Variants in MBNL2 observed in about 807,000 individuals in gnomAD.
MBNL2 encodes the protein muscleblind-like protein 2.
In MBNL2, 17 loss-of-function variants were observed where a neutral mutation model predicts 41.9. The ratio of observed to expected loss-of-function variants is 0.41; its 90% CI spans 0.28 to 0.61. The LOEUF is 0.61. Among genes scored for constraint, MBNL2 ranks in the 20% least tolerant of loss-of-function variants. The pLI is 0.35. For synonymous variants in MBNL2, 195 were observed against 182.9 expected (o/e 1.07, Z -0.53); for missense variants, 336 against 505.6 (o/e 0.66, Z 3.22).
the MBNL2 span, among the ~76,000 whole-genome samples, chr13:97,142,143 T>G: frequency 6.6e-6 from 1 of 152,212 alleles, no homozygotes; most frequent in Non-Finnish European, 1.5e-5. Flanking sequence ...TCAATTAAAT[T>G]AAAGCTTTCT....
chr13:97,218,326 C>T (rs536528527), upstream of MBNL2, among the ~76,000 whole-genome samples: 1 of 151,624 alleles, frequency 6.6e-6, no homozygotes, highest in South Asian at 2.1e-4. Context: ...AGGAGAATGG[C>T]GTGAACCCGG....
intron 5 of MBNL2, among the ~76,000 whole-genome samples, chr13:97,347,775 G>A (rs970495848): frequency 6.6e-6 from 1 of 152,110 alleles, no homozygotes; most frequent in Admixed American, 6.6e-5. Context: ...TCAGAATCTC[G>A]GAGAGCCTAA....
At chr13:97,294,997 T>C (rs1223784674) in intron 2 of MBNL2, among the ~76,000 whole-genome samples, 3 of 152,190 alleles carry the variant, frequency 2.0e-5, no homozygotes, top group Non-Finnish European at 4.4e-5. Context: ...TATTGCCAGT[T>C]TGAAATGTTA....
intron 7 of MBNL2, among the ~76,000 whole-genome samples, chr13:97,362,623 C>T (rs540119277): frequency 6.6e-6 from 1 of 152,072 alleles, no homozygotes; most frequent in Non-Finnish European, 1.5e-5. Context: ...GAGACTAGAC[C>T]ACACGGGACC....
chr13:97,259,461 C>G (rs1407428051), intron 1 of MBNL2, among the ~76,000 whole-genome samples: 2 of 152,182 alleles, frequency 1.3e-5, no homozygotes, highest in Non-Finnish European at 2.9e-5. Context: ...TTTTCACCCT[C>G]CCTGAATCCC....
chr13:97,184,337 A>C, the MBNL2 span, among the ~76,000 whole-genome samples: 1 of 152,180 alleles, frequency 6.6e-6, no homozygotes, highest in Non-Finnish European at 1.5e-5. Context: ...TTTTCAAAAG[A>C]AGAGGACAAT....
At chr13:97,204,460 A>T in the MBNL2 span, among the ~76,000 whole-genome samples, 1 of 152,200 alleles carries the variant, frequency 6.6e-6, no homozygotes, top group African/African-American at 2.4e-5. Context: ...TTCTAAGTAC[A>T]CATAAGCTCT....
chr13:97,357,457 A>G lies in MBNL2; in HGVS notation c.859-25A>G, dbSNP rs767470395. 4.4e-6 allele frequency: 7 copies of G among 1,606,942 alleles called. No individual in the cohort carries two copies. The East Asian group carries it at 1.1e-4, about 26-fold the overall frequency. On this transcript the variant is annotated intron_variant, in intron 6 of 8. Transcript: ENST00000679496. ...GGTGTGTTTGCTTTAAGTTAGACAT[A>G]TCTTATCGAATTCTTCATTTCTAGG...
intron 1 of MBNL2, among the ~76,000 whole-genome samples, chr13:97,254,071 G>A (rs1294496658): frequency 6.6e-6 from 1 of 152,056 alleles, no homozygotes; most frequent in Non-Finnish European, 1.5e-5. Context: ...TGTATATTTA[G>A]TAGAGACAGG....
At chr13:97,335,587 A>G (rs2060810967) in intron 3 of MBNL2, among the ~76,000 whole-genome samples, 1 of 152,122 alleles carries the variant, frequency 6.6e-6, no homozygotes, top group South Asian at 2.1e-4. Context: ...GCCCAGAGTA[A>G]AAGAAATGCC....
Position 97,356,785 on chromosome 13 carries a change from G to A in MBNL2, c.805-11G>A. On this transcript the variant is annotated splice_polypyrimidine_tract_variant and intron_variant, in intron 5 of 8. Transcript: ENST00000679496. ...CACTGCCATCATGTGCTCGCTGCCT[G>A]TTATTAAAAGACTCAGTCGACTGCC... 7.3e-7 allele frequency: 1 copy of A among 1,361,572 alleles called. No individual in the cohort carries two copies. Among genetic ancestry groups the A allele is most frequent in the South Asian group, 1.1e-5 (1 of 88,024 alleles). 84.3% of individuals were successfully genotyped at this position (1,361,572 alleles called of 1,614,324 possible). A position where few individuals can be genotyped will look rare whatever the true frequency, so the allele number is the denominator to read the frequency against.
At position 97,299,720 on chromosome 13, in the gene MBNL2, G is replaced by GA. The variant is rs539702723; in HGVS notation, c.174+23317dup. On this transcript the variant is annotated intron_variant, in intron 2 of 8. Transcript: ENST00000679496. ...ATCCAAGATTACAAACACATGACTTGAAAAAATCTTCAAAACGTATTACTT... is the reference window on the plus strand; with the variant it reads ...ATCCAAGATTACAAACACATGACTTGAAAAAAATCTTCAAAACGTATTACTT... Among the ~76,000 whole-genome samples the GA allele has an allele frequency of 4.8e-4, 72 of 151,564 alleles. No homozygotes were observed. In the South Asian group the frequency reaches 4.8e-3, roughly 10 times the overall value.
chr13:97,343,285 T>C, intron 4 of MBNL2, 69 bp downstream of exon 4: 1 of 1,154,330 alleles, frequency 8.7e-7, no homozygotes, highest in Non-Finnish European at 1.2e-6. Flanking sequence ...AAGTGATTGC[T>C]TGTAAGATAT....
the MBNL2 span, among the ~76,000 whole-genome samples, chr13:97,156,850 T>C: frequency 6.6e-6 from 1 of 152,216 alleles, no homozygotes; most frequent in Non-Finnish European, 1.5e-5. Flanking sequence ...GCTTTGTTCT[T>C]TTGGCTTAGG....
Position 97,366,286 on chromosome 13 carries a change from C to G in MBNL2, c.1048+1115C>G, listed in dbSNP as rs533550490. On this transcript the variant is annotated intron_variant, in intron 8 of 8. Coordinates refer to ENST00000679496, the MANE Select transcript of MBNL2 (RefSeq NM_001382683.1). The surrounding 1 kb of genome is among the most constrained non-coding windows in gnomAD (Gnocchi z 4.7). ...AATTGTACTTGTAATAAGCTATTTT[C>G]CCTTTTTTATTTCTCTCCCATGCTT... Among the ~76,000 whole-genome samples the G allele has an allele frequency of 1.3e-5, 2 of 152,248 alleles. 1 individual carries two copies. The highest frequency in any genetic ancestry group is 1.3e-4 in the Admixed American group (2 of 15,298).
At chr13:97,201,216 T>G in the MBNL2 span, among the ~76,000 whole-genome samples, 1 of 152,226 alleles carries the variant, frequency 6.6e-6, no homozygotes, top group Non-Finnish European at 1.5e-5. Flanking sequence ...AAAGTGGGAC[T>G]TCAAAAGACC....
Position 97,393,370 on chromosome 13 carries a change from T to G in MBNL2, c.*1921T>G, listed in dbSNP as rs891969023. On this transcript the variant is annotated 3_prime_UTR_variant, in exon 9 of 9. Transcript: ENST00000679496. The stretch of plus-strand genomic sequence containing the variant: ...GAATCACTGAAATATTTTTGTAGAT[T>G]AATTGTTGTAACATTGTCTTTCTTT... 6.6e-6 allele frequency: 1 copy of G among 152,356 alleles called. No individual in the cohort carries two copies. The highest frequency in any genetic ancestry group is 2.4e-5 in the African/African-American group (1 of 41,466). The allele number at this position is 152,356 out of a possible 1,614,324, so 9.4% of individuals were successfully genotyped here. A position where few individuals can be genotyped will look rare whatever the true frequency, so the allele number is the denominator to read the frequency against.
At chr13:97,169,661 G>A in the MBNL2 span, among the ~76,000 whole-genome samples, 6 of 152,270 alleles carry the variant, frequency 3.9e-5, no homozygotes, top group Non-Finnish European at 5.9e-5. Context: ...CCTTCCCAGG[G>A]CTTATGGTTG....
chr13:97,287,750 A>C (rs1594155542), intron 2 of MBNL2, among the ~76,000 whole-genome samples: 1 of 116,700 alleles, frequency 8.6e-6, no homozygotes, highest in Non-Finnish European at 1.7e-5. Flanking sequence ...TTTGAGACAG[A>C]ATTTCACTCT....
Sources: allele counts gnomAD v4.1 joint callset (sites outside exome capture counted in the v4.1 genomes callset), GRCh38; gene constraint gnomAD v4.1.1; non-coding constraint Gnocchi (gnomAD v3.1); transcripts MANE v1.5; gene names NCBI Gene and HGNC (gene_info 2026-07-23, HGNC 2026-07-21).